RADIL: variants seen among roughly 807,000 people sequenced by gnomAD.
The protein encoded by RADIL is ras-associating and dilute domain-containing protein.
RADIL carries 99 observed loss-of-function variants against 97.6 expected under a neutral mutation model. The ratio of observed to expected loss-of-function variants is 1.01; its 90% CI spans 0.86 to 1.20. RADIL has a LOEUF of 1.20. Ranked by LOEUF, RADIL falls within the 50% of genes most tolerant of loss-of-function variation. The pLI is 0.00. For missense variants in RADIL, 1,765 were observed against 1,498.9 expected, an observed-to-expected ratio of 1.18 and a Z score of -2.93; for synonymous variants, 803 against 691.8, an observed-to-expected ratio of 1.16 and a Z score of -2.52.
chr7:4,857,268 ATGT>A (rs1449251961), intron 2 of RADIL, among the ~76,000 whole-genome samples: 7 of 152,134 alleles, frequency 4.6e-5, no homozygotes, highest in African/African-American at 1.4e-4. Context: ...TACTTGAATA[ATGT>A]TGTTATTATC....
In RADIL at chr7:4,816,447, G is replaced by A. The variant is rs781394558; in HGVS notation, c.1747C>T (p.Pro583Ser). ...YVSKSLYICLPALLECPPFQT... is the reference protein window; with the variant it reads ...YVSKSLYICLSALLECPPFQT... ...AATGGCGGGCACTCCAGGAGTGCCG[G>A]GAGGCAGATGTACAGGGACTGGCGG... Residue 583 changes from proline to serine, a missense_variant, in exon 8 of 15, where the codon CCG (proline) becomes TCG (serine). Physicochemically the swap from Pro to Ser is moderately conservative, Grantham distance 74. Coordinates refer to ENST00000399583, the MANE Select transcript of RADIL (RefSeq NM_018059.5). The A allele has an allele frequency of 6.2e-7, 1 of 1,607,700 alleles. No individual in the cohort carries two copies. The highest frequency in any genetic ancestry group is 2.2e-5 in the East Asian group (1 of 44,682).
chr7:4,816,504 A>C (rs1419862422), intron 7 of RADIL, 39 bp from the exon 8 acceptor site: 6 of 1,556,990 alleles, frequency 3.9e-6, no homozygotes, highest in South Asian at 1.1e-5. Context: ...CAGCATTTCC[A>C]GGAGCGCTGG....
intron 9 of RADIL, among the ~76,000 whole-genome samples, chr7:4,806,403 T>A (rs1047765302): frequency 1.3e-5 from 2 of 151,948 alleles, no homozygotes; most frequent in African/African-American, 4.8e-5. Flanking sequence ...CCACGGCTGG[T>A]CTCAAATTCC....
At chr7:4,811,613 A>G (rs1380229188) in intron 9 of RADIL, among the ~76,000 whole-genome samples, 4 of 147,392 alleles carry the variant, frequency 2.7e-5, no homozygotes, top group South Asian at 2.1e-4. Context: ...TCAGCCTCCC[A>G]AGTAGCTGGG....
At chr7:4,845,645 C>A (rs1562447803) in intron 2 of RADIL, among the ~76,000 whole-genome samples, 1 of 151,396 alleles carries the variant, frequency 6.6e-6, no homozygotes, top group Non-Finnish European at 1.5e-5. Context: ...ATGAGAGGTT[C>A]CATTTTTTTA....
chr7:4,851,406 C>A (rs1475607664), intron 2 of RADIL, among the ~76,000 whole-genome samples: 1 of 152,114 alleles, frequency 6.6e-6, no homozygotes, highest in Admixed American at 6.6e-5. Context: ...AAAGACATTG[C>A]TTCTTTCTCA....
chr7:4,875,384 C>T (rs1299133006), intron 2 of RADIL, among the ~76,000 whole-genome samples: 3 of 151,082 alleles, frequency 2.0e-5, no homozygotes, highest in African/African-American at 4.9e-5. Context: ...CAGAGAGAGA[C>T]TCCATCTCAA....
chr7:4,835,398 C>A lies in RADIL; in HGVS notation c.784-159G>T, dbSNP rs1214277635. ...CCCCCACACCAGAACCCCGACGGCTCTCAGGAACCCGCCCCTCGATGTCCG... is the reference window on the plus strand; with the variant it reads ...CCCCCACACCAGAACCCCGACGGCTATCAGGAACCCGCCCCTCGATGTCCG... On this transcript the variant is annotated intron_variant, in intron 3 of 14. Transcript: ENST00000399583. The surrounding 1 kb of genome is among the most constrained non-coding windows in gnomAD (Gnocchi z 5.8). Among the ~76,000 whole-genome samples, 2 of 152,202 alleles carry A rather than the reference C, an allele frequency of 1.3e-5. No individual in the cohort carries two copies. Among genetic ancestry groups the A allele is most frequent in the African/African-American group, 4.8e-5 (2 of 41,446 alleles).
chr7:4,862,006 C>T (rs1179433280), intron 2 of RADIL: 3 of 435,474 alleles, frequency 6.9e-6, no homozygotes, highest in Admixed American at 8.0e-5. Context: ...GCGCCAGACC[C>T]CTCAGCGGCT....
intron 5 of RADIL, among the ~76,000 whole-genome samples, chr7:4,827,174 G>A (rs1301489210): frequency 6.6e-6 from 1 of 151,992 alleles, no homozygotes; most frequent in Non-Finnish European, 1.5e-5. Context: ...AGACAAGCCT[G>A]GTCAACATGG....
Position 4,873,141 on chromosome 7 carries a change from C to T in RADIL, c.535+4464G>A, listed in dbSNP as rs1423101876. 6.6e-6 allele frequency among the ~76,000 whole-genome samples: 1 copy of T among 152,152 alleles called. No homozygotes were observed. The highest frequency in any genetic ancestry group is 1.5e-5 in the Non-Finnish European group (1 of 68,016). The stretch of plus-strand genomic sequence containing the variant: ...AGAGACGGGGTTTCACCATGTTGGT[C>T]AGACTGGTCTTGAACTCCTGACTTC... On this transcript the variant is annotated intron_variant, in intron 2 of 14. Coordinates refer to ENST00000399583, the MANE Select transcript of RADIL (RefSeq NM_018059.5). The surrounding 1 kb of genome is among the most constrained non-coding windows in gnomAD (Gnocchi z 4.3).
chr7:4,805,149 G>A (rs1023753606), intron 10 of RADIL: 15 of 185,206 alleles, frequency 8.1e-5, no homozygotes, highest in South Asian at 1.9e-4. Flanking sequence ...ACATGTATGC[G>A]CACACAGACC....
intron 2 of RADIL, among the ~76,000 whole-genome samples, chr7:4,874,572 C>T (rs1383102289): frequency 2.0e-5 from 3 of 152,220 alleles, no homozygotes; most frequent in Non-Finnish European, 4.4e-5. Flanking sequence ...AGGATGAGTG[C>T]CCGAGGCCCA....
At chr7:4,860,526 G>C in intron 2 of RADIL, 10 of 1,614,098 alleles carry the variant, frequency 6.2e-6, no homozygotes, top group Non-Finnish European at 7.6e-6. Context: ...TCCATATCAG[G>C]ATTTTCTTTG....
Position 4,801,792 on chromosome 7 carries a change from G to T in RADIL, c.2703C>A (p.Cys901Ter). 6.2e-7 allele frequency: 1 copy of T among 1,609,966 alleles called. No individual in the cohort carries two copies. The highest frequency in any genetic ancestry group is 1.1e-5 in the South Asian group (1 of 90,652). ...QAGPPHTDSSCLLTPPSTPLG... is the reference protein window; with the variant it reads ...QAGPPHTDSS The stretch of plus-strand genomic sequence containing the variant: ...GTGGAGTGCTGGGAGGCGTGAGCAA[G>T]CAGGACGAGTCCGTGTGCGGGGGGC... The change falls in exon 12 of 15, where the codon TGC (cysteine) becomes TGA (stop). Residue 901 changes from cysteine (C) to a stop codon, truncating the protein, a stop_gained. Transcript: ENST00000399583. LOFTEE classifies it high-confidence loss of function.
chr7:4,809,813 G>C lies in RADIL; in HGVS notation c.2140-4097C>G, dbSNP rs898582559. Among the ~76,000 whole-genome samples, 9 of 151,982 alleles carry C rather than the reference G, an allele frequency of 5.9e-5. No homozygotes were observed. The East Asian group carries it at 1.5e-3, about 26-fold the overall frequency. On this transcript the variant is annotated intron_variant, in intron 9 of 14. Transcript: ENST00000399583. ...TTCATACGTCTCAGCCTCCCGAGTA[G>C]CTGGCTAATTTTTGTATTTTTACAC...
intron 2 of RADIL, among the ~76,000 whole-genome samples, chr7:4,855,889 G>T (rs10250149): frequency 9.3e-4 from 142 of 152,074 alleles, no homozygotes; most frequent in African/African-American, 3.3e-3. Flanking sequence ...TCCGTCTCCT[G>T]GGTTCAAGTG....
chr7:4,849,086 C>T lies in RADIL; in HGVS notation c.536-12481G>A, dbSNP rs998671872. On this transcript the variant is annotated intron_variant, in intron 2 of 14. Transcript: ENST00000399583. The surrounding 1 kb of genome is among the most constrained non-coding windows in gnomAD (Gnocchi z 5.4). Reference sequence around the variant, plus strand: ...CTGGGAGGCAGAGGTTGTGGTGAGCCGAGATCGTGCCATTGCACTCCAGCC... The same window carrying T: ...CTGGGAGGCAGAGGTTGTGGTGAGCTGAGATCGTGCCATTGCACTCCAGCC... Among the ~76,000 whole-genome samples, 5 of 149,826 alleles carry T rather than the reference C, an allele frequency of 3.3e-5. No individual in the cohort carries two copies. Among genetic ancestry groups the T allele is most frequent in the African/African-American group, 7.4e-5 (3 of 40,588 alleles).
intron 9 of RADIL, among the ~76,000 whole-genome samples, chr7:4,807,341 G>GC (rs1475589761): frequency 6.6e-6 from 1 of 152,022 alleles, no homozygotes; most frequent in Non-Finnish European, 1.5e-5. Flanking sequence ...CCTCTGGTTT[G>GC]CCCGGGGGTG....
Sources: allele counts gnomAD v4.1 joint callset (sites outside exome capture counted in the v4.1 genomes callset), GRCh38; gene constraint gnomAD v4.1.1; non-coding constraint Gnocchi (gnomAD v3.1); transcripts MANE v1.5; gene names NCBI Gene and HGNC (gene_info 2026-07-23, HGNC 2026-07-21).